Variants in MLLT3 observed in about 807,000 individuals in gnomAD.
MLLT3 encodes protein AF-9.
A neutral mutation model predicts 53.2 loss-of-function variants in MLLT3; 4 were observed. That is an observed-to-expected ratio of 0.08 (90% CI 0.04 to 0.17). The LOEUF (loss-of-function observed/expected upper bound fraction) is 0.17. Ranked by LOEUF, MLLT3 falls within the 10% of genes least tolerant of loss-of-function variation. The probability of loss-of-function intolerance (pLI) is 1.00; values close to 1 mark genes in which losing one functional copy is unlikely to be tolerated. For missense variants in MLLT3, 569 were observed against 684.0 expected, an observed-to-expected ratio of 0.83 and a Z score of 1.87; for synonymous variants, 283 against 230.6, an observed-to-expected ratio of 1.23 and a Z score of -2.06.
intron 6 of MLLT3, among the ~76,000 whole-genome samples, chr9:20,365,058 C>T (rs767136629): frequency 6.6e-6 from 1 of 152,134 alleles, no homozygotes; most frequent in Non-Finnish European, 1.5e-5. Flanking sequence ...AGATGAAAAC[C>T]TATTTCCCTA....
chr9:20,439,725 C>T (rs562650719), intron 4 of MLLT3, among the ~76,000 whole-genome samples: 2 of 152,088 alleles, frequency 1.3e-5, no homozygotes, highest in Admixed American at 6.6e-5. Context: ...AAAATCTATG[C>T]GTTATGTTTA....
At chr9:20,445,872 A>T (rs954211543) in intron 4 of MLLT3, among the ~76,000 whole-genome samples, 7 of 152,162 alleles carry the variant, frequency 4.6e-5, no homozygotes, top group Non-Finnish European at 8.8e-5. Context: ...AAGAAGAAGA[A>T]GTTTATCTGA....
At chr9:20,555,621 T>C (rs1199735106) in intron 2 of MLLT3, among the ~76,000 whole-genome samples, 1 of 152,164 alleles carries the variant, frequency 6.6e-6, no homozygotes, top group Non-Finnish European at 1.5e-5. Flanking sequence ...TGTAAAATAA[T>C]ATGCCTGAGA....
intron 2 of MLLT3, among the ~76,000 whole-genome samples, chr9:20,592,920 T>C (rs1195913103): frequency 1.3e-5 from 2 of 152,040 alleles, no homozygotes; most frequent in Non-Finnish European, 2.9e-5. Context: ...TTCTCATCCA[T>C]CCCCACTGAT....
chr9:20,540,023 C>T (rs987849753), intron 2 of MLLT3, among the ~76,000 whole-genome samples: 6 of 152,238 alleles, frequency 3.9e-5, no homozygotes, highest in African/African-American at 1.2e-4. Flanking sequence ...CCCCAGGCAA[C>T]TCCAAAACCC....
intron 2 of MLLT3, among the ~76,000 whole-genome samples, chr9:20,464,716 G>A (rs1424738515): frequency 6.6e-6 from 1 of 151,894 alleles, no homozygotes; most frequent in Non-Finnish European, 1.5e-5. Context: ...ATTTATATTG[G>A]TTACAGAGGA....
rs189495394 is a variant in MLLT3 at position 20,420,702 on chromosome 9, G to C, written c.421-6277C>G. Among the ~76,000 whole-genome samples the C allele has an allele frequency of 3.2e-4, 48 of 150,994 alleles. No homozygotes were observed. The East Asian group carries it at 7.2e-3, about 23-fold the overall frequency. The stretch of plus-strand genomic sequence containing the variant: ...ATTATACGTAGAATTTTTCTATCTC[G>C]TTTTTTTTTATACTTGAAGTTCTAG... On this transcript the variant is annotated intron_variant, in intron 4 of 10. Transcript: ENST00000380338.
At chr9:20,483,768 C>T (rs1011223691) in intron 2 of MLLT3, among the ~76,000 whole-genome samples, 6 of 145,542 alleles carry the variant, frequency 4.1e-5, no homozygotes, top group East Asian at 2.0e-4. Context: ...AGTGCAGTGG[C>T]GCCATCTTGG....
At chr9:20,361,705 C>G (rs1045859273) in intron 7 of MLLT3, among the ~76,000 whole-genome samples, 1 of 152,146 alleles carries the variant, frequency 6.6e-6, no homozygotes, top group African/African-American at 2.4e-5. Context: ...ATGGAATTTT[C>G]TTTTATCCAC....
chr9:20,473,960 G>A (rs1428003486), intron 2 of MLLT3, among the ~76,000 whole-genome samples: 2 of 152,088 alleles, frequency 1.3e-5, no homozygotes, highest in Non-Finnish European at 2.9e-5. Flanking sequence ...GGCCAGAGTT[G>A]ATGCCCAATA....
At chr9:20,352,411 G>T (rs933905722) in intron 10 of MLLT3, among the ~76,000 whole-genome samples, 3 of 152,152 alleles carry the variant, frequency 2.0e-5, no homozygotes, top group Non-Finnish European at 2.9e-5. Flanking sequence ...GTAAAACAAC[G>T]TTCGGTTCTT....
chr9:20,402,533 T>C (rs1382116478), intron 5 of MLLT3, among the ~76,000 whole-genome samples: 1 of 152,184 alleles, frequency 6.6e-6, no homozygotes, highest in Non-Finnish European at 1.5e-5. Context: ...AACAGCAGTT[T>C]GTCCAAGTAA....
chr9:20,525,425 G>A (rs1481464367), intron 2 of MLLT3, among the ~76,000 whole-genome samples: 3 of 152,182 alleles, frequency 2.0e-5, no homozygotes, highest in Non-Finnish European at 4.4e-5. Context: ...GAACCCGGAA[G>A]GCGGAGGTTA....
intron 2 of MLLT3, among the ~76,000 whole-genome samples, chr9:20,460,105 A>C (rs1161739420): frequency 1.3e-5 from 2 of 152,230 alleles, no homozygotes; most frequent in Non-Finnish European, 2.9e-5. Flanking sequence ...ACTACATTAG[A>C]TATAAAGCAA....
intron 2 of MLLT3, among the ~76,000 whole-genome samples, chr9:20,507,417 C>T (rs1825409147): frequency 6.6e-6 from 1 of 152,084 alleles, no homozygotes; most frequent in Non-Finnish European, 1.5e-5. Flanking sequence ...TCAAAACTTC[C>T]TTCATTTTTT....
chr9:20,388,584 T>C (rs1431535847), intron 5 of MLLT3, among the ~76,000 whole-genome samples: 3 of 151,602 alleles, frequency 2.0e-5, no homozygotes, highest in African/African-American at 7.3e-5. Context: ...TGAGACTCGG[T>C]CTCAAAAAAA....
At chr9:20,537,229 A>G (rs1818512058) in intron 2 of MLLT3, among the ~76,000 whole-genome samples, 1 of 152,254 alleles carries the variant, frequency 6.6e-6, no homozygotes, top group Non-Finnish European at 1.5e-5. Context: ...AAGCTGGGCA[A>G]GAAAGAGCTA....
intron 4 of MLLT3, among the ~76,000 whole-genome samples, chr9:20,445,892 C>T (rs1823683042): frequency 2.0e-5 from 3 of 152,130 alleles, no homozygotes; most frequent in South Asian, 4.1e-4. Flanking sequence ...AAGACATAAT[C>T]GTGAACTCAT....
chr9:20,552,209 G>A (rs1818942359), intron 2 of MLLT3, among the ~76,000 whole-genome samples: 1 of 152,166 alleles, frequency 6.6e-6, no homozygotes, highest in Non-Finnish European at 1.5e-5. Flanking sequence ...TGTTTGCAAA[G>A]AACTTTACAC....
Sources: gnomAD v4.1 joint callset for allele counts (sites outside exome capture counted in the v4.1 genomes callset) on GRCh38, gnomAD v4.1.1 for gene constraint, MANE v1.5 for transcripts, NCBI Gene and HGNC (gene_info 2026-07-23, HGNC 2026-07-21) for gene names.